GPD2: variants seen among roughly 807,000 people sequenced by gnomAD.
The protein encoded by GPD2 is glycerol-3-phosphate dehydrogenase, mitochondrial.
GPD2 carries 54 observed loss-of-function variants against 82.4 expected under a neutral mutation model. That is an observed-to-expected ratio of 0.66 (90% CI 0.53 to 0.82). GPD2 has a LOEUF of 0.82. GPD2 is among the 40% of genes least tolerant of loss of function. The pLI is 0.00. For missense variants in GPD2, 748 were observed against 896.2 expected (o/e 0.83, Z 2.11); for synonymous variants, 288 against 306.1 (o/e 0.94, Z 0.62).
At chr2:156,530,572 A>G (rs553054686) in intron 6 of GPD2, among the ~76,000 whole-genome samples, 1 of 150,250 alleles carries the variant, frequency 6.7e-6, no homozygotes, top group Admixed American at 6.7e-5. Flanking sequence ...TGGGTTTGTC[A>G]TGGATAGCTC....
At chr2:156,536,312 T>C (rs535820398) in intron 6 of GPD2, among the ~76,000 whole-genome samples, 3 of 152,358 alleles carry the variant, frequency 2.0e-5, no homozygotes, top group African/African-American at 7.2e-5. Context: ...TAATGTATTA[T>C]AATTTTGCCC....
chr2:156,400,885 A>G, the GPD2 span, among the ~76,000 whole-genome samples: 10 of 152,234 alleles, frequency 6.6e-5, no homozygotes, highest in East Asian at 1.9e-3. Flanking sequence ...TTCCTGTTGT[A>G]TCTTAGAACA....
At chr2:156,429,197 G>A in the GPD2 span, among the ~76,000 whole-genome samples, 1 of 152,182 alleles carries the variant, frequency 6.6e-6, no homozygotes, top group Non-Finnish European at 1.5e-5. Flanking sequence ...GTATTCAGAT[G>A]TGGGACTGAA....
intron 6 of GPD2, among the ~76,000 whole-genome samples, chr2:156,527,305 A>G (rs1305933890): frequency 3.9e-5 from 6 of 152,160 alleles, no homozygotes; most frequent in African/African-American, 1.2e-4. Flanking sequence ...TTATAAATAT[A>G]ACTAACACCT....
At chr2:156,485,648 G>A (rs1683911363) in intron 2 of GPD2, among the ~76,000 whole-genome samples, 1 of 152,138 alleles carries the variant, frequency 6.6e-6, no homozygotes, top group African/African-American at 2.4e-5. Flanking sequence ...TTTATTTGTT[G>A]CTCACATTAC....
chr2:156,506,460 T>C (rs534086771), intron 3 of GPD2, among the ~76,000 whole-genome samples: 44 of 152,276 alleles, frequency 2.9e-4, no homozygotes, highest in Admixed American at 2.7e-3. Flanking sequence ...AAATGTCCAA[T>C]ACTGGAAAAA....
rs2105385909 is a variant in GPD2 at position 156,583,587 on chromosome 2, T to A, written c.*669T>A. ...AGAGAAACTCTGAAAGCTTCCAGAA[T>A]CACAGGTATAAGATAAGGATAGCAT... On this transcript the variant is annotated 3_prime_UTR_variant, in exon 17 of 17. Transcript: ENST00000438166. The A allele has an allele frequency of 6.4e-6, 1 of 155,986 alleles. No individual in the cohort carries two copies. Among genetic ancestry groups the A allele is most frequent in the Non-Finnish European group, 1.4e-5 (1 of 70,090 alleles). The allele number at this position is 155,986 out of a possible 1,614,324, so 9.7% of individuals were successfully genotyped here. A position where few individuals can be genotyped will look rare whatever the true frequency, so the allele number is the denominator to read the frequency against.
At chr2:156,409,219 G>C in the GPD2 span, among the ~76,000 whole-genome samples, 1 of 152,316 alleles carries the variant, frequency 6.6e-6, no homozygotes, top group Middle Eastern at 3.4e-3. Context: ...GGTGATACTT[G>C]TTATTGGCAG....
rs1357961431 is a variant in GPD2 at position 156,492,460 on chromosome 2, C to CT, written c.103-3576dup. On this transcript the variant is annotated intron_variant, in intron 2 of 16. Coordinates refer to ENST00000438166, the MANE Select transcript of GPD2 (RefSeq NM_000408.5). ...GCACCTGGCCTTTTTTTTTTTTTTT[C>CT]TTTTTTTTAAATTTTAACCATTGTA... is the stretch of plus-strand genomic sequence containing the variant. Among the ~76,000 whole-genome samples the CT allele has an allele frequency of 1.3e-3, 140 of 109,926 alleles. 1 individual carries two copies. The highest frequency in any genetic ancestry group is 2.0e-3 in the Non-Finnish European group (102 of 51,792). The allele number at this position is 109,926 out of a possible 152,430, so 72.1% of individuals were successfully genotyped here.
At chr2:156,581,413 C>G (rs1688019886) in intron 16 of GPD2, among the ~76,000 whole-genome samples, 1 of 152,044 alleles carries the variant, frequency 6.6e-6, no homozygotes, top group Non-Finnish European at 1.5e-5. Context: ...GCTTAAAAAA[C>G]CTCTAGCTTT....
chr2:156,412,039 C>T, the GPD2 span, among the ~76,000 whole-genome samples: 3 of 152,256 alleles, frequency 2.0e-5, no homozygotes, highest in East Asian at 1.9e-4. Flanking sequence ...CAAAGCTTCT[C>T]TTAGTAGTAT....
intron 1 of GPD2, among the ~76,000 whole-genome samples, chr2:156,438,866 T>C (rs983976136): frequency 7.9e-5 from 12 of 152,214 alleles, no homozygotes; most frequent in Non-Finnish European, 7.3e-5. Flanking sequence ...TGGAAAACAA[T>C]TGGAGACCAA....
chr2:156,467,394 C>T (rs993080039), intron 1 of GPD2, among the ~76,000 whole-genome samples: 3 of 152,226 alleles, frequency 2.0e-5, no homozygotes, highest in African/African-American at 7.2e-5. Context: ...ATGTTTCACA[C>T]ATTTCTGTTG....
At chr2:156,521,515 T>G (rs1017786250) in intron 6 of GPD2, among the ~76,000 whole-genome samples, 4 of 152,304 alleles carry the variant, frequency 2.6e-5, no homozygotes, top group African/African-American at 9.6e-5. Flanking sequence ...GTATTATTTT[T>G]GGGGGGTCAA....
intron 13 of GPD2, among the ~76,000 whole-genome samples, chr2:156,575,182 G>T (rs1687770790): frequency 6.6e-6 from 1 of 151,998 alleles, no homozygotes; most frequent in Non-Finnish European, 1.5e-5. Flanking sequence ...AAGACAGAAT[G>T]GGCAAATGTA....
intron 6 of GPD2, among the ~76,000 whole-genome samples, chr2:156,540,756 T>C (rs1453803332): frequency 6.6e-6 from 1 of 152,218 alleles, no homozygotes; most frequent in Non-Finnish European, 1.5e-5. Context: ...CCCATCTTCC[T>C]ATCCTTCATG....
At chr2:156,443,648 G>C (rs1462718989) in intron 1 of GPD2, among the ~76,000 whole-genome samples, 1 of 151,976 alleles carries the variant, frequency 6.6e-6, no homozygotes, top group Admixed American at 6.6e-5. Context: ...ATATCTTAAG[G>C]ATATTTAGGA....
intron 6 of GPD2, among the ~76,000 whole-genome samples, chr2:156,543,771 T>G (rs1213599639): frequency 2.6e-5 from 4 of 152,204 alleles, no homozygotes. Context: ...GCGGTCAGTC[T>G]GGAAATTTAG....
intron 6 of GPD2, among the ~76,000 whole-genome samples, chr2:156,528,815 C>T (rs1162225395): frequency 1.3e-5 from 2 of 152,156 alleles, no homozygotes; most frequent in Non-Finnish European, 2.9e-5. Flanking sequence ...ATATGTGCCA[C>T]ATTTTCTTAA....
Sources: gnomAD v4.1 joint callset for allele counts (sites outside exome capture counted in the v4.1 genomes callset) on GRCh38, gnomAD v4.1.1 for gene constraint, MANE v1.5 for transcripts, NCBI Gene and HGNC (gene_info 2026-07-23, HGNC 2026-07-21) for gene names.